The following RELL1 variants were observed in gnomAD, a reference collection of about 807,000 sequenced individuals.
The protein encoded by RELL1 is RELT-like protein 1.
RELL1 carries 10 observed loss-of-function variants against 23.0 expected under a neutral mutation model. The observed-to-expected ratio is 0.43, with a 90% CI of 0.27 to 0.74. The LOEUF (loss-of-function observed/expected upper bound fraction) is 0.74, where lower values mean the gene tolerates loss of function less well. RELL1 is among the 30% of genes least tolerant of loss of function. RELL1 has a pLI of 0.19. For missense variants in RELL1, 315 were observed against 364.4 expected (o/e 0.86, Z 1.10); for synonymous variants, 146 against 146.8 (o/e 0.99, Z 0.04).
chr4:37,631,865 A>G (rs1720147821), intron 5 of RELL1, among the ~76,000 whole-genome samples: 1 of 151,932 alleles, frequency 6.6e-6, no homozygotes, highest in Non-Finnish European at 1.5e-5. Context: ...GGATTGCTTG[A>G]GCCTAGGAAT....
At chr4:37,631,583 A>G in intron 5 of RELL1, 60 bp from the exon 6 acceptor site, 2 of 1,574,980 alleles carry the variant, frequency 1.3e-6, no homozygotes, top group Non-Finnish European at 1.7e-6. Context: ...AGAATTATGA[A>G]TAAAGCAAAA....
At chr4:37,642,625 G>A (rs761007659) in intron 3 of RELL1, among the ~76,000 whole-genome samples, 4 of 152,130 alleles carry the variant, frequency 2.6e-5, no homozygotes, top group Non-Finnish European at 2.9e-5. Context: ...TATTCATAAT[G>A]AGCACCTTTT....
chr4:37,648,743 A>G (rs1247930074), intron 2 of RELL1, among the ~76,000 whole-genome samples: 2 of 152,190 alleles, frequency 1.3e-5, no homozygotes, highest in Non-Finnish European at 2.9e-5. Context: ...CCAATCACAA[A>G]TATTTAAGAT....
intron 1 of RELL1, among the ~76,000 whole-genome samples, chr4:37,652,130 C>T (rs1720970435): frequency 6.6e-6 from 1 of 152,182 alleles, no homozygotes; most frequent in Non-Finnish European, 1.5e-5. Context: ...CGGTTCATCA[C>T]AGCAGCAAAC....
intron 1 of RELL1, among the ~76,000 whole-genome samples, chr4:37,679,296 T>A (rs1722125776): frequency 6.6e-6 from 1 of 152,172 alleles, no homozygotes; most frequent in Non-Finnish European, 1.5e-5. Context: ...ATAAACAAAA[T>A]CTTAGTTTTT....
At chr4:37,680,335 C>T (rs1456239782) in intron 1 of RELL1, among the ~76,000 whole-genome samples, 2 of 152,158 alleles carry the variant, frequency 1.3e-5, no homozygotes, top group Non-Finnish European at 2.9e-5. Context: ...CCTCAAAGTG[C>T]CTTTTCAGGA....
At chr4:37,643,509 T>C (rs1720595420) in intron 3 of RELL1, among the ~76,000 whole-genome samples, 1 of 152,166 alleles carries the variant, frequency 6.6e-6, no homozygotes, top group South Asian at 2.1e-4. Flanking sequence ...AAAGAAAACC[T>C]AAACACACGT....
chr4:37,627,886 A>T (rs1720003856), intron 6 of RELL1, among the ~76,000 whole-genome samples: 1 of 151,854 alleles, frequency 6.6e-6, no homozygotes, highest in Non-Finnish European at 1.5e-5. Flanking sequence ...GACACATAGC[A>T]CTCCTCTCCT....
intron 6 of RELL1, among the ~76,000 whole-genome samples, chr4:37,599,553 G>A (rs1194127488): frequency 6.6e-6 from 1 of 152,178 alleles, no homozygotes; most frequent in Non-Finnish European, 1.5e-5. Flanking sequence ...TCTAATGTCA[G>A]AAATCCTATC....
intron 3 of RELL1, among the ~76,000 whole-genome samples, chr4:37,639,521 C>CA (rs68167103): frequency 0.3 from 43,198 of 146,270 alleles, 6,995 homozygotes; most frequent in Non-Finnish European, 0.38. Flanking sequence ...TCAACAAAAG[C>CA]AAAAAAAAAA....
intron 3 of RELL1, among the ~76,000 whole-genome samples, chr4:37,641,370 C>T (rs1347784652): frequency 1.3e-5 from 2 of 152,080 alleles, no homozygotes; most frequent in African/African-American, 2.4e-5. Flanking sequence ...TTTCCAGTGA[C>T]GAGAAGGTTT....
rs1220164473 is a variant in RELL1, at chr4:37,669,190, G to C, written c.88+17010C>G. Among the ~76,000 whole-genome samples, 7 of 130,844 alleles carry C rather than the reference G, an allele frequency of 5.3e-5. No homozygotes were observed. The South Asian group carries it at 9.5e-4, about 18-fold the overall frequency. The allele number at this position is 130,844 out of a possible 152,430, so 85.8% of individuals were successfully genotyped here. ...CCGTCCGGGAGGGAGGTGGGGGGGG[G>C]GGTCAGCCCCCTGCCTGGCCAGCCG... On this transcript the variant is annotated intron_variant, in intron 1 of 6. Coordinates refer to ENST00000454158, the MANE Select transcript of RELL1 (RefSeq NM_001085400.2).
At chr4:37,587,519 C>A (rs1176829676), downstream of RELL1, among the ~76,000 whole-genome samples, 1 of 152,164 alleles carries the variant, frequency 6.6e-6, no homozygotes, top group Non-Finnish European at 1.5e-5. Flanking sequence ...GCTTATGAAG[C>A]AGCATCCCTG....
chr4:37,649,787 A>T (rs1467938086), intron 1 of RELL1, among the ~76,000 whole-genome samples: 1 of 152,280 alleles, frequency 6.6e-6, no homozygotes, highest in East Asian at 1.9e-4. Flanking sequence ...GGTTGTCGTG[A>T]AGTGTCCAGC....
At chr4:37,672,243 C>T (rs1434646406) in intron 1 of RELL1, among the ~76,000 whole-genome samples, 1 of 152,052 alleles carries the variant, frequency 6.6e-6, no homozygotes, top group Admixed American at 6.6e-5. Flanking sequence ...TTGGTTCCTC[C>T]GGCAACTAGT....
intron 1 of RELL1, among the ~76,000 whole-genome samples, chr4:37,653,421 A>G (rs1314421154): frequency 9.8e-6 from 1 of 102,242 alleles, no homozygotes; most frequent in Non-Finnish European, 2.1e-5. Flanking sequence ...TTGAAACCTC[A>G]ATATTCAATA....
intron 5 of RELL1, among the ~76,000 whole-genome samples, chr4:37,633,291 C>T (rs1337556638): frequency 1.3e-5 from 2 of 151,878 alleles, no homozygotes; most frequent in African/African-American, 4.8e-5. Flanking sequence ...CACCTGCAGT[C>T]CCAGCTACTC....
chr4:37,665,926 T>A (rs1721515447), intron 1 of RELL1, among the ~76,000 whole-genome samples: 1 of 151,874 alleles, frequency 6.6e-6, no homozygotes, highest in South Asian at 2.1e-4. Flanking sequence ...GGGGAAAAAA[T>A]GGGTGGTGCT....
chr4:37,631,804 T>C (rs959113878), intron 5 of RELL1, among the ~76,000 whole-genome samples: 1 of 152,056 alleles, frequency 6.6e-6, no homozygotes, highest in Non-Finnish European at 1.5e-5. Flanking sequence ...TGGCCAGGCA[T>C]GGTGGCTTAT....
Sources: gnomAD v4.1 joint callset for allele counts (sites outside exome capture counted in the v4.1 genomes callset) on GRCh38, gnomAD v4.1.1 for gene constraint, MANE v1.5 for transcripts, NCBI Gene and HGNC (gene_info 2026-07-23, HGNC 2026-07-21) for gene names.